The following FAM168A variants were observed in gnomAD, a reference collection of about 807,000 sequenced individuals.
FAM168A encodes the protein family with sequence similarity 168 member A, also known as protein FAM168A.
A neutral mutation model predicts 28.5 loss-of-function variants in FAM168A; 3 were observed. The ratio of observed to expected loss-of-function variants is 0.11; its 90% CI spans 0.05 to 0.27. FAM168A has a LOEUF of 0.27. Ranked by LOEUF, FAM168A falls within the 10% of genes least tolerant of loss-of-function variation. The probability of loss-of-function intolerance (pLI) is 1.00; values close to 1 mark genes in which losing one functional copy is unlikely to be tolerated. For missense variants in FAM168A, 222 were observed against 311.5 expected (o/e 0.71, Z 2.16); for synonymous variants, 122 against 124.2 (o/e 0.98, Z 0.12).
At chr11:73,493,792 G>A (rs947085129) in intron 1 of FAM168A, among the ~76,000 whole-genome samples, 1 of 152,162 alleles carries the variant, frequency 6.6e-6, no homozygotes, top group East Asian at 1.9e-4. Flanking sequence ...GACCAGGTTT[G>A]GGAATTCACA....
rs1012715923 is a variant in FAM168A, at chr11:73,561,620, A to G, written c.-19+36303T>C. Among the ~76,000 whole-genome samples, 5 of 152,306 alleles carry G rather than the reference A, an allele frequency of 3.3e-5. No individual in the cohort carries two copies. In the East Asian group the frequency reaches 9.6e-4, roughly 29 times the overall value. On this transcript the variant is annotated intron_variant, in intron 1 of 7. Coordinates refer to ENST00000356467, the MANE Select transcript of FAM168A (RefSeq NM_015159.3). ...AAATGCTACTCTGTCCCTAATAAGTACATTAAAATTATTCCATAGAGAACT... is the reference window on the plus strand; with the variant it reads ...AAATGCTACTCTGTCCCTAATAAGTGCATTAAAATTATTCCATAGAGAACT...
chr11:73,432,788 G>A (rs118119016), intron 2 of FAM168A, among the ~76,000 whole-genome samples: 2,108 of 152,182 alleles, frequency 0.014, 25 homozygotes, highest in Non-Finnish European at 0.021. Flanking sequence ...GGTAGCGTGT[G>A]CCTGTACTCC....
chr11:73,503,742 A>C (rs779019655), intron 1 of FAM168A, among the ~76,000 whole-genome samples: 6 of 152,176 alleles, frequency 3.9e-5, no homozygotes, highest in African/African-American at 4.8e-5. Flanking sequence ...CTACTATACT[A>C]CAAGGCTTCA....
At chr11:73,573,306 C>A (rs1490045062) in intron 1 of FAM168A, among the ~76,000 whole-genome samples, 1 of 152,164 alleles carries the variant, frequency 6.6e-6, no homozygotes, top group Non-Finnish European at 1.5e-5. Context: ...ACAGTTGTTA[C>A]CTCTATCCCT....
At chr11:73,477,410 A>G (rs1210884399) in intron 1 of FAM168A, among the ~76,000 whole-genome samples, 1 of 152,178 alleles carries the variant, frequency 6.6e-6, no homozygotes, top group Non-Finnish European at 1.5e-5. Context: ...AAATTGAAAA[A>G]AAAAGAAGAT....
At chr11:73,571,895 C>T (rs1384682933) in intron 1 of FAM168A, among the ~76,000 whole-genome samples, 6 of 151,948 alleles carry the variant, frequency 3.9e-5, no homozygotes, top group African/African-American at 9.7e-5. Context: ...CCTGCCCCAC[C>T]GCCCCACCGC....
At chr11:73,427,380 T>A (rs1336946711) in intron 3 of FAM168A, among the ~76,000 whole-genome samples, 1 of 142,522 alleles carries the variant, frequency 7.0e-6, no homozygotes, top group Non-Finnish European at 1.5e-5. Context: ...TAAAGCTGAA[T>A]AACATGCCAG....
At chr11:73,536,004 G>A (rs762557512) in intron 1 of FAM168A, among the ~76,000 whole-genome samples, 6 of 151,806 alleles carry the variant, frequency 4.0e-5, no homozygotes, top group Admixed American at 6.6e-5. Context: ...ACACCACCAC[G>A]CCTAGCTAAT....
At position 73,504,203 on chromosome 11, in the gene FAM168A, C is replaced by G. The variant is rs556429012; in HGVS notation, c.-18-35711G>C. ...TCTGCACAGCAAAAGAAACTATCAT[C>G]GAAGTGAACAAGCAACCTACAGAAT... is the stretch of plus-strand genomic sequence containing the variant. On this transcript the variant is annotated intron_variant, in intron 1 of 7. Coordinates refer to ENST00000356467, the MANE Select transcript of FAM168A (RefSeq NM_015159.3). 1.6e-4 allele frequency among the ~76,000 whole-genome samples: 24 copies of G among 152,208 alleles called. No homozygotes were observed. In the South Asian group the frequency reaches 4.8e-3, roughly 30 times the overall value.
intron 2 of FAM168A, among the ~76,000 whole-genome samples, chr11:73,437,652 T>C (rs1414112149): frequency 2.0e-5 from 3 of 152,002 alleles, no homozygotes; most frequent in Non-Finnish European, 2.9e-5. Flanking sequence ...TTAAGAATCT[T>C]ACCCTGAACA....
intron 1 of FAM168A, among the ~76,000 whole-genome samples, chr11:73,473,697 G>T (rs776944523): frequency 6.6e-6 from 1 of 152,098 alleles, no homozygotes; most frequent in Non-Finnish European, 1.5e-5. Context: ...AAATGGCACA[G>T]CTCCTCACTT....
intron 1 of FAM168A, among the ~76,000 whole-genome samples, chr11:73,532,680 G>A (rs1943528406): frequency 1.3e-5 from 2 of 152,226 alleles, no homozygotes; most frequent in African/African-American, 4.8e-5. Flanking sequence ...CCTTCCCAGA[G>A]AAGAGGACTT....
chr11:73,518,785 TACTC>T (rs1943336961), intron 1 of FAM168A, among the ~76,000 whole-genome samples: 1 of 152,096 alleles, frequency 6.6e-6, no homozygotes, highest in Non-Finnish European at 1.5e-5. Context: ...TAGTCCCAGA[TACTC>T]AGGAGGCTGA....
chr11:73,409,441 G>A lies in FAM168A; in HGVS notation c.595+46C>T, dbSNP rs1318255808. On this transcript the variant is annotated intron_variant, in intron 6 of 7. Coordinates refer to ENST00000356467, the MANE Select transcript of FAM168A (RefSeq NM_015159.3). ...GACTGTGTTCTCTGCTCCGTTTTGA[G>A]TTCCTAGAGGAAAGGGATGGACACT... is the stretch of plus-strand genomic sequence containing the variant. 7 of 1,606,918 alleles carry A rather than the reference G, an allele frequency of 4.4e-6. No individual in the cohort carries two copies. In the Middle Eastern group the frequency reaches 5.0e-4, roughly 114 times the overall value.
chr11:73,536,548 G>A (rs1319757010), intron 1 of FAM168A, among the ~76,000 whole-genome samples: 5 of 152,084 alleles, frequency 3.3e-5, no homozygotes, highest in African/African-American at 7.2e-5. Context: ...TTAGTTGGGC[G>A]TGGTGGTGCA....
At chr11:73,565,290 T>G (rs1475641141) in intron 1 of FAM168A, among the ~76,000 whole-genome samples, 1 of 152,206 alleles carries the variant, frequency 6.6e-6, no homozygotes, top group Non-Finnish European at 1.5e-5. Flanking sequence ...CTCTTTCCAC[T>G]ATATGCGTAA....
At chr11:73,412,536 G>A (rs970047552) in intron 4 of FAM168A, among the ~76,000 whole-genome samples, 2 of 152,140 alleles carry the variant, frequency 1.3e-5, no homozygotes, top group African/African-American at 4.8e-5. Flanking sequence ...GAACAACACT[G>A]TCTCCTTTTA....
Position 73,585,130 on chromosome 11 carries a change from A to G in FAM168A, c.-19+12793T>C, listed in dbSNP as rs149972008. On this transcript the variant is annotated intron_variant, in intron 1 of 7. Transcript: ENST00000356467. ...TAGGTCCCAAAATACAGAAACCAAT[A>G]AAGTCAGCGCTTAATTTCTCTAATA... is the stretch of plus-strand genomic sequence containing the variant. Among the ~76,000 whole-genome samples the G allele has an allele frequency of 5.1e-3, 780 of 152,368 alleles. 8 individuals are homozygous for G. The highest frequency in any genetic ancestry group is 0.018 in the African/African-American group (745 of 41,586).
chr11:73,504,840 T>C (rs1855075335), intron 1 of FAM168A, among the ~76,000 whole-genome samples: 1 of 152,078 alleles, frequency 6.6e-6, no homozygotes, highest in African/African-American at 2.4e-5. Flanking sequence ...AGAAATGAGA[T>C]CATTTCCTTT....
Sources: gnomAD v4.1 joint callset for allele counts (sites outside exome capture counted in the v4.1 genomes callset) on GRCh38, gnomAD v4.1.1 for gene constraint, MANE v1.5 for transcripts, NCBI Gene and HGNC (gene_info 2026-07-23, HGNC 2026-07-21) for gene names.